Variants in RAB30 observed in about 807,000 individuals in gnomAD.
RAB30 encodes the protein ras-related protein Rab-30.
RAB30 carries 9 observed loss-of-function variants against 25.1 expected under a neutral mutation model. That is an observed-to-expected ratio of 0.36 (90% CI 0.22 to 0.63). RAB30 has a LOEUF of 0.63. Among genes scored for constraint, RAB30 ranks in the 20% least tolerant of loss-of-function variants. The pLI is 0.69. For synonymous variants in RAB30, 77 were observed against 86.4 expected (o/e 0.89, Z 0.60); for missense variants, 140 against 243.5 (o/e 0.58, Z 2.83).
chr11:82,999,687 A>G (rs1396023610), intron 1 of RAB30, among the ~76,000 whole-genome samples: 1 of 152,098 alleles, frequency 6.6e-6, no homozygotes, highest in Non-Finnish European at 1.5e-5. Context: ...ACCTTCACAT[A>G]TATTGTTCCA....
At chr11:83,001,018 G>A (rs370183361) in intron 1 of RAB30, among the ~76,000 whole-genome samples, 2 of 122,394 alleles carry the variant, frequency 1.6e-5, no homozygotes, top group East Asian at 2.5e-4. Flanking sequence ...CAGCACTCCC[G>A]CCTGGGCGAC....
intron 4 of RAB30, among the ~76,000 whole-genome samples, chr11:82,982,852 ACT>A (rs201679799): frequency 0.015 from 2,253 of 152,122 alleles, 46 homozygotes; most frequent in East Asian, 0.074. Context: ...ACAGAGTGAG[ACT>A]CTGTCTCAAA....
At chr11:83,052,229 T>G (rs2121518483) in intron 1 of RAB30, among the ~76,000 whole-genome samples, 1 of 152,312 alleles carries the variant, frequency 6.6e-6, no homozygotes, top group East Asian at 1.9e-4. Flanking sequence ...TACTATATAT[T>G]GAGTTACGTG....
At chr11:83,012,723 TGC>T (rs1857331015) in intron 1 of RAB30, among the ~76,000 whole-genome samples, 1 of 152,144 alleles carries the variant, frequency 6.6e-6, no homozygotes, top group Non-Finnish European at 1.5e-5. Flanking sequence ...AAATGTTAGG[TGC>T]TGCTACTGTT....
intron 1 of RAB30, among the ~76,000 whole-genome samples, chr11:83,022,668 G>C (rs1857608041): frequency 6.6e-6 from 1 of 151,870 alleles, no homozygotes. Context: ...ATAAAAAAAA[G>C]AATAACTGAC....
chr11:83,062,031 G>C (rs1858594904), intron 1 of RAB30, among the ~76,000 whole-genome samples: 1 of 152,046 alleles, frequency 6.6e-6, no homozygotes, highest in Non-Finnish European at 1.5e-5. Context: ...TGAACCATAT[G>C]AAAGTAAATG....
At chr11:83,061,338 G>T (rs1359719514) in intron 1 of RAB30, among the ~76,000 whole-genome samples, 1 of 152,044 alleles carries the variant, frequency 6.6e-6, no homozygotes, top group Non-Finnish European at 1.5e-5. Flanking sequence ...TACATTAAAG[G>T]AAACTAAAGA....
chr11:83,068,123 CAAA>C (rs35256261), intron 1 of RAB30, among the ~76,000 whole-genome samples: 19 of 115,250 alleles, frequency 1.6e-4, no homozygotes, highest in Admixed American at 1.8e-4. Context: ...GACTCTGTCT[CAAA>C]AAAAAAAAAA....
chr11:83,013,777 G>T, intron 1 of RAB30, among the ~76,000 whole-genome samples: 1 of 152,148 alleles, frequency 6.6e-6, no homozygotes, highest in Non-Finnish European at 1.5e-5. Context: ...CAGACTGCAA[G>T]AAATAAAGAA....
At chr11:83,014,591 GAGAGGC>G (rs972325080) in intron 1 of RAB30, among the ~76,000 whole-genome samples, 2 of 122,604 alleles carry the variant, frequency 1.6e-5, no homozygotes, top group African/African-American at 7.0e-5. Context: ...AAAAGAAAGA[GAGAGGC>G]AGAGGCAGAG....
intron 1 of RAB30, among the ~76,000 whole-genome samples, chr11:83,003,492 G>A (rs910224948): frequency 2.6e-5 from 4 of 151,864 alleles, no homozygotes; most frequent in East Asian, 1.9e-4. Flanking sequence ...GCGCGATCTC[G>A]GCTCACCGCA....
chr11:83,031,424 C>T (rs1327684100), intron 1 of RAB30, among the ~76,000 whole-genome samples: 1 of 152,144 alleles, frequency 6.6e-6, no homozygotes, highest in African/African-American at 2.4e-5. Flanking sequence ...CATCCTTTCC[C>T]CCATCTTTCC....
At chr11:83,021,842 T>C (rs1364727236) in intron 1 of RAB30, among the ~76,000 whole-genome samples, 2 of 152,276 alleles carry the variant, frequency 1.3e-5, no homozygotes, top group South Asian at 4.1e-4. Flanking sequence ...TCTGTCACAG[T>C]ACCTGGCCTA....
intron 1 of RAB30, among the ~76,000 whole-genome samples, chr11:83,032,565 A>G (rs1857891399): frequency 6.6e-6 from 1 of 152,184 alleles, no homozygotes; most frequent in African/African-American, 2.4e-5. Flanking sequence ...CCTGGCCTCA[A>G]GAAATCCTCC....
At position 82,978,254 on chromosome 11, in the gene RAB30, G is replaced by C. The variant is rs1376102179; in HGVS notation, c.*3911C>G. ...AAAAAAGGAATGGCAAACTCTAGAA[G>C]ATCTCTCCCAGAGGCTAATAGAGCA... On this transcript the variant is annotated 3_prime_UTR_variant, in exon 5 of 5. Transcript: ENST00000527633. The C allele has an allele frequency of 6.6e-6, 1 of 152,082 alleles. No individual in the cohort carries two copies. Among genetic ancestry groups the C allele is most frequent in the Admixed American group, 6.6e-5 (1 of 15,262 alleles). The allele number at this position is 152,082 out of a possible 1,614,324, so 9.4% of individuals were successfully genotyped here.
At chr11:83,070,089 A>C (rs1397478095) in intron 1 of RAB30, among the ~76,000 whole-genome samples, 1 of 139,928 alleles carries the variant, frequency 7.1e-6, no homozygotes, top group African/African-American at 2.6e-5. Flanking sequence ...GCAAATGGAG[A>C]GATAGAGAAA....
At position 82,981,354 on chromosome 11, in the gene RAB30, A is replaced by T. The variant is rs778160962; in HGVS notation, c.*811T>A. On this transcript the variant is annotated 3_prime_UTR_variant, in exon 5 of 5. Transcript: ENST00000527633. ...AGAGACAAGAAAGTGGTAGAGATTC[A>T]GAGGGGAACATAAAAGGAAAAGTAT... is the stretch of plus-strand genomic sequence containing the variant. 6.6e-6 allele frequency: 1 copy of T among 152,306 alleles called. No homozygotes were observed. Among genetic ancestry groups the T allele is most frequent in the Admixed American group, 6.5e-5 (1 of 15,282 alleles). The allele number at this position is 152,306 out of a possible 1,614,324, so 9.4% of individuals were successfully genotyped here.
rs1298052390 is a variant in RAB30 at position 82,973,988 on chromosome 11, G to A, written c.*8177C>T. ...GCTTTAAAAACATTATGCTTACTTA[G>A]AGAAGCCAGACACAAAAGGCCACAT... On this transcript the variant is annotated 3_prime_UTR_variant, in exon 5 of 5. Transcript: ENST00000527633. 1.3e-5 allele frequency: 2 copies of A among 152,168 alleles called. No individual in the cohort carries two copies. Among genetic ancestry groups the A allele is most frequent in the African/African-American group, 4.8e-5 (2 of 41,446 alleles). 9.4% of individuals were successfully genotyped at this position (152,168 alleles called of 1,614,324 possible).
chr11:83,006,174 A>AT (rs1857180897), intron 1 of RAB30, among the ~76,000 whole-genome samples: 1 of 152,202 alleles, frequency 6.6e-6, no homozygotes, highest in Non-Finnish European at 1.5e-5. Flanking sequence ...TATTGATTTA[A>AT]AGCTAAAAAC....
Sources: gnomAD v4.1 joint callset for allele counts (sites outside exome capture counted in the v4.1 genomes callset) on GRCh38, gnomAD v4.1.1 for gene constraint, MANE v1.5 for transcripts, NCBI Gene and HGNC (gene_info 2026-07-23, HGNC 2026-07-21) for gene names.